The following ANO3 variants were observed in gnomAD, a reference collection of about 807,000 sequenced individuals.
ANO3 encodes the protein anoctamin 3.
A neutral mutation model predicts 144.8 loss-of-function variants in ANO3; 99 were observed. The ratio of observed to expected loss-of-function variants is 0.68; its 90% CI spans 0.58 to 0.81. ANO3 has a LOEUF of 0.81. Ranked by LOEUF, ANO3 falls within the 30% of genes least tolerant of loss-of-function variation. ANO3 has a pLI of 0.00. For missense variants in ANO3, 905 were observed against 1,202.2 expected (o/e 0.75, Z 3.66); for synonymous variants, 414 against 392.6 (o/e 1.05, Z -0.64).
intron 17 of ANO3, among the ~76,000 whole-genome samples, chr11:26,606,939 C>T (rs1441233150): frequency 6.6e-6 from 1 of 152,130 alleles, no homozygotes; most frequent in Non-Finnish European, 1.5e-5. Context: ...GTGCTTCCTT[C>T]AGGAGCTCTG....
At chr11:26,283,329 T>C (rs1350525727) in intron 1 of ANO3, among the ~76,000 whole-genome samples, 601 of 39,658 alleles carry the variant, frequency 0.015, 18 homozygotes, top group African/African-American at 0.059. Context: ...TAAATATATA[T>C]ATATATATAT....
chr11:26,651,730 TC>T (rs573650151), intron 24 of ANO3, among the ~76,000 whole-genome samples: 32 of 152,150 alleles, frequency 2.1e-4, no homozygotes, highest in Non-Finnish European at 4.6e-4. Flanking sequence ...GAAAAAAGCT[TC>T]TTCAGATCCT....
At chr11:26,359,028 A>G (rs1268657699) in intron 1 of ANO3, among the ~76,000 whole-genome samples, 1 of 152,148 alleles carries the variant, frequency 6.6e-6, no homozygotes, top group African/African-American at 2.4e-5. Flanking sequence ...TCATGTTACC[A>G]TATCTGTTAG....
rs147366604 is a variant in ANO3 at position 26,342,317 on chromosome 11, A to G, written c.46+9996A>G. Among the ~76,000 whole-genome samples the G allele has an allele frequency of 9.8e-5, 15 of 152,316 alleles. No homozygotes were observed. In the East Asian group the frequency reaches 2.9e-3, roughly 29 times the overall value. On this transcript the variant is annotated intron_variant, in intron 1 of 26. Transcript: ENST00000256737. Reference sequence around the variant, plus strand: ...CAAAATTCGTGTTGAAACTTAACAAAAATGTAATGATATTAAGAGATGTGA... The same window carrying G: ...CAAAATTCGTGTTGAAACTTAACAAGAATGTAATGATATTAAGAGATGTGA...
At position 26,333,499 on chromosome 11, in the gene ANO3, G is replaced by A. The variant is rs1028480076; in HGVS notation, c.46+1178G>A. Among the ~76,000 whole-genome samples the A allele has an allele frequency of 3.9e-5, 6 of 152,128 alleles. No individual in the cohort carries two copies. The East Asian group carries it at 7.7e-4, about 20-fold the overall frequency. ...GGGTTTCACCGTATTAGCCAGGATG[G>A]CCTCCATCTCCTGACCTCGTGATCC... On this transcript the variant is annotated intron_variant, in intron 1 of 26. Transcript: ENST00000256737.
chr11:26,405,375 T>C (rs1565005719), intron 1 of ANO3, among the ~76,000 whole-genome samples: 1 of 151,956 alleles, frequency 6.6e-6, no homozygotes, highest in East Asian at 2.0e-4. Context: ...TCAAAGAAAG[T>C]AGAAGATATG....
chr11:26,448,532 A>G (rs1049261277), intron 3 of ANO3, among the ~76,000 whole-genome samples: 16 of 152,184 alleles, frequency 1.1e-4, no homozygotes, highest in African/African-American at 3.6e-4. Context: ...ATTTCTTTAA[A>G]TAGTTATGGT....
At chr11:26,376,647 A>C (rs1856418941) in intron 1 of ANO3, among the ~76,000 whole-genome samples, 1 of 140,922 alleles carries the variant, frequency 7.1e-6, no homozygotes, top group Non-Finnish European at 1.5e-5. Context: ...TCTACTGCTA[A>C]AAGTTGAGTA....
chr11:26,218,371 C>T (rs10834927), intron 1 of ANO3, among the ~76,000 whole-genome samples: 53,348 of 151,818 alleles, frequency 0.35, 9,655 homozygotes, highest in Non-Finnish European at 0.38. Flanking sequence ...TTTTTTATTA[C>T]AAATATCTTG....
At chr11:26,583,675 A>G (rs1307399679) in intron 14 of ANO3, among the ~76,000 whole-genome samples, 2 of 152,258 alleles carry the variant, frequency 1.3e-5, no homozygotes, top group Admixed American at 6.5e-5. Context: ...ACTTTTGCCA[A>G]ACGCAGAACC....
rs367687263 is a variant in ANO3, at chr11:26,586,503, C to T, written c.1448-11862C>T. The stretch of plus-strand genomic sequence containing the variant: ...AAGAAGGGGCTTCCCTGGTGAGAAT[C>T]TTTTTTTTTTTTTTTTTTGAGACAT... On this transcript the variant is annotated intron_variant, in intron 14 of 26. Transcript: ENST00000256737. Among the ~76,000 whole-genome samples, 450 of 81,376 alleles carry T rather than the reference C, an allele frequency of 5.5e-3. 4 individuals are homozygous for T. Among genetic ancestry groups the T allele is most frequent in the Middle Eastern group, 9.4e-3 (1 of 106 alleles). 53.4% of individuals were successfully genotyped at this position (81,376 alleles called of 152,430 possible). A position where few individuals can be genotyped will look rare whatever the true frequency, so the allele number is the denominator to read the frequency against.
rs565605286 is a variant in ANO3 at position 26,522,198 on chromosome 11, G to GCAA, written c.693-3421_693-3419dup. On this transcript the variant is annotated intron_variant, in intron 6 of 26. Transcript: ENST00000256737. ...GACTCCATCTCAAAACAAACAAACA[G>GCAA]CAACAACAACAACAACAAAAAAAAA... Among the ~76,000 whole-genome samples, 14 of 147,178 alleles carry GCAA rather than the reference G, an allele frequency of 9.5e-5. No homozygotes were observed. In the South Asian group the frequency reaches 2.9e-3, roughly 30 times the overall value.
intron 1 of ANO3, among the ~76,000 whole-genome samples, chr11:26,294,923 G>T (rs767930188): frequency 6.6e-6 from 1 of 151,206 alleles, no homozygotes; most frequent in Non-Finnish European, 1.5e-5. Flanking sequence ...TTTTTGAGAC[G>T]GAGTCTTTCT....
At chr11:26,604,851 T>C (rs905684365) in intron 17 of ANO3, among the ~76,000 whole-genome samples, 3 of 152,222 alleles carry the variant, frequency 2.0e-5, no homozygotes, top group South Asian at 2.1e-4. Flanking sequence ...TAGAATCATG[T>C]CATCTGCAAA....
At chr11:26,478,788 A>G (rs1050860919) in intron 4 of ANO3, among the ~76,000 whole-genome samples, 1 of 152,130 alleles carries the variant, frequency 6.6e-6, no homozygotes, top group Non-Finnish European at 1.5e-5. Context: ...CTGATTGGTT[A>G]TATAACTAGG....
At position 26,647,759 on chromosome 11, in the gene ANO3, A is replaced by C; in HGVS notation, c.2479A>C (p.Asn827His). The C allele has an allele frequency of 6.2e-7, 1 of 1,613,050 alleles. No individual in the cohort carries two copies. The highest frequency in any genetic ancestry group is 1.1e-5 in the South Asian group (1 of 90,894). Reference protein sequence around the residue: ...EGIGILAVITNAFVIAITSDY... With the variant: ...EGIGILAVITHAFVIAITSDY... ...AATCGGTATATTGGCTGTGATCACC[A>C]ATGCATTTGTAATTGCTATTACTTC... is the stretch of plus-strand genomic sequence containing the variant. The change falls in exon 24 of 27, where the codon AAT (asparagine) becomes CAT (histidine). Residue 827 changes from asparagine (N) to histidine (H), a missense_variant. This residue lies in a region of ANO3 where 597 missense variants were observed against 865.1 expected (regional missense o/e 0.69). Transcript: ENST00000256737.
In ANO3 at chr11:26,564,670, C is replaced by CAT. The variant is rs980339624; in HGVS notation, c.1447+4901_1447+4902dup. 2.9e-4 allele frequency among the ~76,000 whole-genome samples: 37 copies of CAT among 128,134 alleles called. 1 individual carries two copies. The highest frequency in any genetic ancestry group is 4.9e-4 in the Non-Finnish European group (30 of 61,448). 84.1% of individuals were successfully genotyped at this position (128,134 alleles called of 152,430 possible). A position where few individuals can be genotyped will look rare whatever the true frequency, so the allele number is the denominator to read the frequency against. On this transcript the variant is annotated intron_variant, in intron 14 of 26. Coordinates refer to ENST00000256737, the MANE Select transcript of ANO3 (RefSeq NM_031418.4). Reference sequence around the variant, plus strand: ...TACTTTGTTCAACTTTTTAAAAACTCATATATATATACTCATATATATACA... The same window carrying CAT: ...TACTTTGTTCAACTTTTTAAAAACTCATATATATATATACTCATATATATACA...
chr11:26,580,755 C>G (rs905040200), intron 14 of ANO3, among the ~76,000 whole-genome samples: 3 of 152,188 alleles, frequency 2.0e-5, no homozygotes. Context: ...GAGCATGGAT[C>G]ATAATCTTAT....
At chr11:26,563,855 G>A (rs1250514141) in intron 14 of ANO3, among the ~76,000 whole-genome samples, 3 of 151,824 alleles carry the variant, frequency 2.0e-5, no homozygotes, top group African/African-American at 7.2e-5. Flanking sequence ...CTGAGCTTAC[G>A]GGAGTTCAAA....
Sources: allele counts gnomAD v4.1 joint callset (sites outside exome capture counted in the v4.1 genomes callset), GRCh38; gene constraint gnomAD v4.1.1; regional missense constraint gnomAD v4.1.1; transcripts MANE v1.5; gene names NCBI Gene and HGNC (gene_info 2026-07-23, HGNC 2026-07-21).